SGMS1: variants seen among roughly 807,000 people sequenced by gnomAD.
The protein encoded by SGMS1 is sphingomyelin synthase 1.
Under a neutral mutation model 46.2 loss-of-function variants are expected in SGMS1, and 13 were observed. That is an observed-to-expected ratio of 0.28 (90% CI 0.18 to 0.45). SGMS1 has a LOEUF of 0.45. SGMS1 is among the 20% of genes least tolerant of loss of function. The pLI is 1.00. For missense variants in SGMS1, 324 were observed against 519.9 expected, an observed-to-expected ratio of 0.62 and a Z score of 3.66; for synonymous variants, 203 against 187.8, an observed-to-expected ratio of 1.08 and a Z score of -0.66.
At chr10:50,598,752 A>T (rs936823943) in intron 1 of SGMS1, among the ~76,000 whole-genome samples, 2 of 152,206 alleles carry the variant, frequency 1.3e-5, no homozygotes, top group Admixed American at 6.5e-5. Flanking sequence ...TGCAAGCCAC[A>T]TCACCTCCCA....
intron 1 of SGMS1, among the ~76,000 whole-genome samples, chr10:50,604,471 C>T (rs1435604953): frequency 6.6e-6 from 1 of 152,226 alleles, no homozygotes; most frequent in Non-Finnish European, 1.5e-5. Flanking sequence ...GCCTAGACGT[C>T]TGATACAGTG....
chr10:50,488,971 C>G (rs1837546030), intron 3 of SGMS1, among the ~76,000 whole-genome samples: 1 of 152,116 alleles, frequency 6.6e-6, no homozygotes. Flanking sequence ...TTTTAAAAAG[C>G]TATAATCATT....
In SGMS1 at chr10:50,343,474, A is replaced by G; in HGVS notation, c.623+18T>C. The G allele has an allele frequency of 6.4e-7, 1 of 1,566,064 alleles. No individual in the cohort carries two copies. Among genetic ancestry groups the G allele is most frequent in the Non-Finnish European group, 8.6e-7 (1 of 1,160,288 alleles). On this transcript the variant is annotated intron_variant, in intron 7 of 10. Transcript: ENST00000361781. ...AAATCCCATAATCATTGAATCTTAG[A>G]GCTTTTACTTGACTTACTTGTATTT...
intron 9 of SGMS1, among the ~76,000 whole-genome samples, chr10:50,310,074 C>T (rs945376340): frequency 6.6e-6 from 1 of 152,176 alleles, no homozygotes; most frequent in Non-Finnish European, 1.5e-5. Context: ...TCAATGGGCA[C>T]CCGATCTACA....
intron 5 of SGMS1, among the ~76,000 whole-genome samples, chr10:50,451,892 A>T (rs982745260): frequency 6.6e-6 from 1 of 152,198 alleles, no homozygotes; most frequent in Non-Finnish European, 1.5e-5. Context: ...TCACTAACAT[A>T]TTCTACTAAT....
chr10:50,375,686 A>G lies in SGMS1; in HGVS notation c.-231-31341T>C, dbSNP rs571072938. ...TCACAGCCTGGCTGAAGTTCCACAC[A>G]GACGTGAAAGATCGGAAGTAGTATA... On this transcript the variant is annotated intron_variant, in intron 6 of 10. Transcript: ENST00000361781. Among the ~76,000 whole-genome samples the G allele has an allele frequency of 6.6e-5, 10 of 152,338 alleles. No individual in the cohort carries two copies. The East Asian group carries it at 1.7e-3, about 26-fold the overall frequency.
intron 6 of SGMS1, among the ~76,000 whole-genome samples, chr10:50,381,251 G>A (rs560189567): frequency 1.7e-4 from 26 of 150,560 alleles, no homozygotes; most frequent in African/African-American, 3.2e-4. Flanking sequence ...AAAAGTGATC[G>A]TGAACAGTGT....
rs1202772538 is a variant in SGMS1, at chr10:50,307,889, C to T, written c.1062+93G>A. On this transcript the variant is annotated intron_variant, in intron 10 of 10. Transcript: ENST00000361781. This position sits in a 1 kb window ranked among gnomAD's most constrained non-coding sequence, Gnocchi z 4.2. The stretch of plus-strand genomic sequence containing the variant: ...TTGATTACTACTTAAGAAAGAGAAA[C>T]TTCAGACATCCACAGGTTCTTTGCA... 1 of 1,247,578 alleles carries T rather than the reference C, an allele frequency of 8.0e-7. No homozygotes were observed. Among genetic ancestry groups the T allele is most frequent in the Non-Finnish European group, 1.1e-6 (1 of 876,400 alleles). 77.3% of individuals were successfully genotyped at this position (1,247,578 alleles called of 1,614,324 possible).
intron 3 of SGMS1, among the ~76,000 whole-genome samples, chr10:50,488,235 A>C (rs756610124): frequency 1.4e-4 from 21 of 151,840 alleles, no homozygotes; most frequent in Non-Finnish European, 2.4e-4. Context: ...GCTGGTCTCG[A>C]ATTCCTGACT....
intron 6 of SGMS1, among the ~76,000 whole-genome samples, chr10:50,361,657 G>T (rs763832999): frequency 5.3e-5 from 8 of 152,234 alleles, no homozygotes; most frequent in South Asian, 2.1e-4. Flanking sequence ...TATCTTGAAG[G>T]CTCTCTCAAA....
intron 2 of SGMS1, among the ~76,000 whole-genome samples, chr10:50,534,196 G>A (rs905012321): frequency 3.3e-5 from 5 of 152,144 alleles, no homozygotes; most frequent in Admixed American, 6.5e-5. Flanking sequence ...GGTACTTATA[G>A]GGATGGAAAG....
At chr10:50,391,350 A>G (rs578221442) in intron 6 of SGMS1, among the ~76,000 whole-genome samples, 58 of 152,250 alleles carry the variant, frequency 3.8e-4, no homozygotes, top group Admixed American at 1.0e-3. Context: ...GATAACTTAC[A>G]TGGAAACTTT....
intron 2 of SGMS1, among the ~76,000 whole-genome samples, chr10:50,556,247 A>G (rs1280079102): frequency 1.3e-5 from 2 of 152,240 alleles, no homozygotes; most frequent in African/African-American, 4.8e-5. Flanking sequence ...AGCCTCTACT[A>G]TGCAACAGGC....
chr10:50,330,533 A>C (rs1433531961), intron 7 of SGMS1, among the ~76,000 whole-genome samples: 1 of 152,176 alleles, frequency 6.6e-6, no homozygotes, highest in Non-Finnish European at 1.5e-5. Context: ...CTATAGTGGA[A>C]AGTAAAACTA....
At chr10:50,556,314 C>T (rs978565897) in intron 2 of SGMS1, among the ~76,000 whole-genome samples, 2 of 152,202 alleles carry the variant, frequency 1.3e-5, no homozygotes, top group East Asian at 3.8e-4. Flanking sequence ...CAGGACCACC[C>T]CACAGTAGTG....
chr10:50,408,431 T>TAAAAAAA (rs71029307), intron 6 of SGMS1, among the ~76,000 whole-genome samples: 12 of 95,196 alleles, frequency 1.3e-4, no homozygotes, highest in South Asian at 7.7e-4. Flanking sequence ...CCTCATCTCT[T>TAAAAAAA]AAAAAAAAAA....
chr10:50,563,892 C>T (rs1166315304), intron 2 of SGMS1, among the ~76,000 whole-genome samples: 1 of 152,062 alleles, frequency 6.6e-6, no homozygotes, highest in Non-Finnish European at 1.5e-5. Context: ...AAGGTACTGA[C>T]AACCTACCTC....
chr10:50,402,717 T>A (rs1848958787), intron 6 of SGMS1, among the ~76,000 whole-genome samples: 1 of 150,532 alleles, frequency 6.6e-6, no homozygotes, highest in Non-Finnish European at 1.5e-5. Context: ...GTATACTCAA[T>A]TTTTGTTAAC....
intron 6 of SGMS1, among the ~76,000 whole-genome samples, chr10:50,404,004 GA>G (rs1241279118): frequency 2.8e-4 from 42 of 151,742 alleles, no homozygotes; most frequent in Non-Finnish European, 5.1e-4. Context: ...TAACATGGGG[GA>G]AACAGGTATA....
Sources: gnomAD v4.1 joint callset for allele counts (sites outside exome capture counted in the v4.1 genomes callset) on GRCh38, gnomAD v4.1.1 for gene constraint, Gnocchi (gnomAD v3.1) non-coding constraint, MANE v1.5 for transcripts, NCBI Gene and HGNC (gene_info 2026-07-23, HGNC 2026-07-21) for gene names.